Variants in FKBP1B observed in about 807,000 individuals in gnomAD.
FKBP1B encodes peptidyl-prolyl cis-trans isomerase FKBP1B.
Under a neutral mutation model 13.5 loss-of-function variants are expected in FKBP1B, and 4 were observed. The ratio of observed to expected loss-of-function variants is 0.30; its 90% CI spans 0.15 to 0.68. The LOEUF (loss-of-function observed/expected upper bound fraction) is 0.68, where lower values mean the gene tolerates loss of function less well. Among genes scored for constraint, FKBP1B ranks in the 30% least tolerant of loss-of-function variants. The pLI is 0.76. For synonymous variants in FKBP1B, 54 were observed against 53.6 expected, an observed-to-expected ratio of 1.01 and a Z score of -0.03; for missense variants, 93 against 136.2, an observed-to-expected ratio of 0.68 and a Z score of 1.58.
intron 1 of FKBP1B, among the ~76,000 whole-genome samples, chr2:24,052,451 T>C (rs1045077527): frequency 6.6e-6 from 1 of 152,160 alleles, no homozygotes; most frequent in Non-Finnish European, 1.5e-5. Context: ...TTCTGTGCAC[T>C]TGTTACTCCT....
Position 24,053,939 on chromosome 2 carries a change from G to C in FKBP1B, c.75G>C (p.Val25=), listed in dbSNP as rs200671091. 4.2e-5 allele frequency: 68 copies of C among 1,614,038 alleles called. No individual in the cohort carries two copies. The Middle Eastern group carries it at 4.9e-4, about 12-fold the overall frequency. The change falls in exon 2 of 4, where the codon GTG becomes GTC. Residue 25 remains valine, a synonymous_variant. Coordinates refer to ENST00000380986, the MANE Select transcript of FKBP1B (RefSeq NM_004116.5). Reference sequence around the variant, plus strand: ...CCAAGAAGGGCCAAACGTGTGTGGTGCACTACACAGGTAAGTCTCACCCCC... The same window carrying C: ...CCAAGAAGGGCCAAACGTGTGTGGTCCACTACACAGGTAAGTCTCACCCCC... ...TFPKKGQTCV[V]HYTGMLQNGK...
chr2:24,044,982 T>C (rs916057681), upstream of FKBP1B, among the ~76,000 whole-genome samples: 5 of 152,254 alleles, frequency 3.3e-5, no homozygotes, highest in African/African-American at 1.2e-4. Flanking sequence ...TTTCTAAGTT[T>C]ATTCTCTGAT....
chr2:24,041,144 G>T, the FKBP1B span, among the ~76,000 whole-genome samples: 1 of 151,932 alleles, frequency 6.6e-6, no homozygotes, highest in Non-Finnish European at 1.5e-5. Context: ...TTTGAGACCA[G>T]CCTGGCCAAC....
chr2:24,055,592 C>G (rs1664089846), intron 2 of FKBP1B, among the ~76,000 whole-genome samples: 1 of 152,160 alleles, frequency 6.6e-6, no homozygotes, highest in Non-Finnish European at 1.5e-5. Flanking sequence ...AGCGTAGGTA[C>G]TCTTTTGTGT....
At chr2:24,045,686 AG>A (rs1168461122), upstream of FKBP1B, 2 of 146,002 alleles carry the variant, frequency 1.4e-5, no homozygotes, top group Non-Finnish European at 3.0e-5. Flanking sequence ...AAGAAAGGAA[AG>A]GAAGGGCAGG....
chr2:24,061,433 G>A (rs1452164883), intron 3 of FKBP1B, among the ~76,000 whole-genome samples: 1 of 152,168 alleles, frequency 6.6e-6, no homozygotes, highest in East Asian at 1.9e-4. Context: ...CAGCCCAGGC[G>A]ATGGAGTGAG....
At chr2:24,045,631 G>GAGAGAGGAAGGAAGGAAGGAAGGA (rs1553318652), upstream of FKBP1B, among the ~76,000 whole-genome samples, 35 of 106,136 alleles carry the variant, frequency 3.3e-4, no homozygotes, top group Non-Finnish European at 4.0e-4. Flanking sequence ...GAGAGAGAGA[G>GAGAGAGGAAGGAAGGAAGGAAGGA]AGGAAGGAAG....
At chr2:24,057,107 T>C (rs1254393332) in intron 2 of FKBP1B, among the ~76,000 whole-genome samples, 4 of 152,350 alleles carry the variant, frequency 2.6e-5, no homozygotes, top group African/African-American at 9.6e-5. Flanking sequence ...CTTTTTACTC[T>C]CTTAATAGTA....
the FKBP1B span, among the ~76,000 whole-genome samples, chr2:24,034,380 A>T: frequency 2.0e-5 from 3 of 152,140 alleles, no homozygotes; most frequent in South Asian, 6.2e-4. Context: ...AGATCGCGCC[A>T]CTGCACTCCG....
In FKBP1B at chr2:24,063,458, G is replaced by GTTTTTT; in HGVS notation, c.*266_*267insTTTTTT. The GTTTTTT allele has an allele frequency of 7.1e-6, 3 of 424,248 alleles. No homozygotes were observed. The highest frequency in any genetic ancestry group is 8.4e-6 in the Non-Finnish European group (2 of 238,468). The allele number at this position is 424,248 out of a possible 1,614,324, so 26.3% of individuals were successfully genotyped here. A position where few individuals can be genotyped will look rare whatever the true frequency, so the allele number is the denominator to read the frequency against. On this transcript the variant is annotated 3_prime_UTR_variant, in exon 4 of 4. Coordinates refer to ENST00000380986, the MANE Select transcript of FKBP1B (RefSeq NM_004116.5). ...GATGCATGTAGTAGCCTTTCCTGAT[G>GTTTTTT]ACAGAACACAGATCTCTTGTTCGCA... is the stretch of plus-strand genomic sequence containing the variant.
At chr2:24,055,704 C>T (rs1664094192) in intron 2 of FKBP1B, among the ~76,000 whole-genome samples, 1 of 152,210 alleles carries the variant, frequency 6.6e-6, no homozygotes, top group South Asian at 2.1e-4. Flanking sequence ...TATGTATCCT[C>T]TCTACCGTTG....
chr2:24,034,691 A>T, the FKBP1B span, among the ~76,000 whole-genome samples: 3 of 151,186 alleles, frequency 2.0e-5, no homozygotes, highest in Non-Finnish European at 4.4e-5. Flanking sequence ...CTCACACCTC[A>T]GCCTCCCAAG....
chr2:24,041,858 CAAAAAAAAA>C, the FKBP1B span, among the ~76,000 whole-genome samples: 1 of 93,226 alleles, frequency 1.1e-5, no homozygotes. Flanking sequence ...AACTCTGTCT[CAAAAAAAAA>C]AAAAAAAAAA....
intron 2 of FKBP1B, among the ~76,000 whole-genome samples, chr2:24,059,371 C>CTGG (rs1553320898): frequency 5.0e-5 from 5 of 100,000 alleles, no homozygotes; most frequent in African/African-American, 2.5e-4. Context: ...GGACCAGCAC[C>CTGG]TGGGGGGGGG....
the FKBP1B span, chr2:24,037,711 G>A: frequency 1.9e-6 from 3 of 1,613,642 alleles, no homozygotes; most frequent in Non-Finnish European, 2.5e-6. Flanking sequence ...AAGATCTTGA[G>A]AGAGTGGATA....
chr2:24,051,969 C>A (rs1346311305), intron 1 of FKBP1B, among the ~76,000 whole-genome samples: 3 of 152,190 alleles, frequency 2.0e-5, no homozygotes, highest in Non-Finnish European at 4.4e-5. Flanking sequence ...AAGATTGCCA[C>A]CCGCACAAAT....
chr2:24,055,817 A>G (rs1664097359), intron 2 of FKBP1B, among the ~76,000 whole-genome samples: 2 of 152,106 alleles, frequency 1.3e-5, no homozygotes, highest in East Asian at 3.9e-4. Context: ...ACATATGTGC[A>G]TGTTTCTGTT....
chr2:24,039,503 T>C, the FKBP1B span: 1 of 1,607,986 alleles, frequency 6.2e-7, no homozygotes, highest in Non-Finnish European at 8.5e-7. Context: ...ATCCTTTTGA[T>C]AAAGGTTACC....
chr2:24,062,949 C>T (rs1664464902), intron 3 of FKBP1B, 115 bp from the exon 4 acceptor site: 1 of 1,471,270 alleles, frequency 6.8e-7, no homozygotes, highest in South Asian at 1.2e-5. Context: ...CATCTGAGAT[C>T]TTCAGAGTTA....
Sources: gnomAD v4.1 joint callset for allele counts (sites outside exome capture counted in the v4.1 genomes callset) on GRCh38, gnomAD v4.1.1 for gene constraint, MANE v1.5 for transcripts, NCBI Gene and HGNC (gene_info 2026-07-23, HGNC 2026-07-21) for gene names.